Variants in UBN1 observed in about 807,000 individuals in gnomAD.
The protein encoded by UBN1 is ubinuclein-1.
Under a neutral mutation model 108.5 loss-of-function variants are expected in UBN1, and 17 were observed. The observed-to-expected ratio is 0.16, with a 90% CI of 0.11 to 0.24. UBN1 has a LOEUF of 0.24. Ranked by LOEUF, UBN1 falls within the 10% of genes least tolerant of loss-of-function variation. The pLI is 1.00. For missense variants in UBN1, 1,595 were observed against 1,394.4 expected, an observed-to-expected ratio of 1.14 and a Z score of -2.29; for synonymous variants, 726 against 564.2, an observed-to-expected ratio of 1.29 and a Z score of -4.07.
At chr16:4,854,131 T>G (rs1402161834) in intron 2 of UBN1, among the ~76,000 whole-genome samples, 2 of 152,016 alleles carry the variant, frequency 1.3e-5, no homozygotes, top group East Asian at 3.9e-4. Flanking sequence ...CCTCCCGGGT[T>G]CACGCCATTC....
At chr16:4,850,105 G>C (rs907547828) in intron 1 of UBN1, among the ~76,000 whole-genome samples, 1 of 152,038 alleles carries the variant, frequency 6.6e-6, no homozygotes, top group Non-Finnish European at 1.5e-5. Flanking sequence ...ATGATTGTAA[G>C]TCTAACGTAC....
chr16:4,860,179 G>A (rs1359018657), intron 6 of UBN1, among the ~76,000 whole-genome samples: 1 of 152,188 alleles, frequency 6.6e-6, no homozygotes, highest in African/African-American at 2.4e-5. Context: ...GGCAGCTATT[G>A]TTGTCACTGT....
intron 2 of UBN1, among the ~76,000 whole-genome samples, chr16:4,857,366 A>G (rs2086865353): frequency 6.6e-6 from 1 of 151,696 alleles, no homozygotes; most frequent in South Asian, 2.1e-4. Flanking sequence ...AAAAAAAAAA[A>G]AAATTTTTTT....
intron 14 of UBN1, 129 bp from the exon 15 acceptor site, chr16:4,874,082 C>T: frequency 1.7e-6 from 2 of 1,183,442 alleles, no homozygotes; most frequent in Non-Finnish European, 2.3e-6. Flanking sequence ...TCTGTCCCAC[C>T]ACTTGTCTTG....
chr16:4,852,018 C>T (rs1444271113), intron 1 of UBN1, among the ~76,000 whole-genome samples: 1 of 151,994 alleles, frequency 6.6e-6, no homozygotes, highest in Admixed American at 6.6e-5. Context: ...TCAACCATTC[C>T]CTGATTGATT....
At chr16:4,854,052 G>C (rs1340323466) in intron 2 of UBN1, among the ~76,000 whole-genome samples, 1 of 151,898 alleles carries the variant, frequency 6.6e-6, no homozygotes, top group African/African-American at 2.4e-5. Flanking sequence ...TTTTGTTTTT[G>C]AGGCAGAGTC....
chr16:4,861,098 C>A lies in UBN1; in HGVS notation c.1106C>A (p.Ala369Asp). The A allele has an allele frequency of 6.2e-7, 1 of 1,611,946 alleles. No individual in the cohort carries two copies. The highest frequency in any genetic ancestry group is 8.5e-7 in the Non-Finnish European group (1 of 1,179,226). Reference sequence around the variant, plus strand: ...CTGGAGAAGCGCGTTAAGGAGCTGGCTCAGGTATGGTGGCACAGTGCGGCT... The same window carrying A: ...CTGGAGAAGCGCGTTAAGGAGCTGGATCAGGTATGGTGGCACAGTGCGGCT... ...APLEKRVKEL[A>D]QAARAAEGES... Residue 369 changes from alanine (A) to aspartate (D), a missense_variant, in exon 7 of 18, where the codon GCT (alanine) becomes GAT (aspartate). Physicochemically the swap from Ala to Asp is moderately radical, Grantham distance 126 (BLOSUM62 -2). This residue lies in a region of UBN1 where 1,398 missense variants were observed against 1,194.7 expected (regional missense o/e 1.17). Transcript: ENST00000262376.
chr16:4,854,872 G>A (rs971872742), intron 2 of UBN1, among the ~76,000 whole-genome samples: 5 of 151,902 alleles, frequency 3.3e-5, no homozygotes, highest in African/African-American at 1.2e-4. Context: ...ACAGGCGCCC[G>A]CCACCACGTC....
Position 4,876,983 on chromosome 16 carries a change from T to C in UBN1, c.3137T>C (p.Ile1046Thr), listed in dbSNP as rs768202792. The C allele has an allele frequency of 6.2e-7, 1 of 1,614,232 alleles. No individual in the cohort carries two copies. Among genetic ancestry groups the C allele is most frequent in the South Asian group, 1.1e-5 (1 of 91,086 alleles). Reference protein sequence around the residue: ...GAMSSNSLGIITPVPIPVHVL... With the variant: ...GAMSSNSLGITTPVPIPVHVL... ...ATGAGCTCGAACTCCTTGGGAATTA[T>C]AACCCCTGTCCCTATTCCTGTCCAT... is the stretch of plus-strand genomic sequence containing the variant. Residue 1046 changes from isoleucine (I) to threonine (T), a missense_variant, in exon 16 of 18, where the codon ATA (isoleucine) becomes ACA (threonine). By Grantham distance (89) the Ile-to-Thr change is moderately conservative (BLOSUM62 -1). Coordinates refer to ENST00000262376, the MANE Select transcript of UBN1 (RefSeq NM_001079514.3).
rs375868951 is a variant in UBN1, at chr16:4,863,615, T to C, written c.1110+2513T>C. 7.7e-4 allele frequency among the ~76,000 whole-genome samples: 117 copies of C among 152,026 alleles called. 1 individual carries two copies. The South Asian group carries it at 0.01, about 14-fold the overall frequency. On this transcript the variant is annotated intron_variant, in intron 7 of 17. Coordinates refer to ENST00000262376, the MANE Select transcript of UBN1 (RefSeq NM_001079514.3). ...ACTTTATTTTTTATACCCCTAATTT[T>C]CCCCCCCTTTTCCCTCTATTATAAG...
intron 2 of UBN1, among the ~76,000 whole-genome samples, chr16:4,857,647 A>T (rs1427320682): frequency 1.3e-5 from 2 of 152,182 alleles, no homozygotes; most frequent in Non-Finnish European, 2.9e-5. Flanking sequence ...TAAATGCCTG[A>T]AGAAAATTTT....
intron 8 of UBN1, among the ~76,000 whole-genome samples, chr16:4,869,549 G>T (rs2087508212): frequency 6.6e-6 from 1 of 152,232 alleles, no homozygotes; most frequent in Non-Finnish European, 1.5e-5. Context: ...AACAGCTGAG[G>T]AGTTTGTGTG....
At chr16:4,851,444 T>A (rs1418128546) in intron 1 of UBN1, among the ~76,000 whole-genome samples, 1 of 151,828 alleles carries the variant, frequency 6.6e-6, no homozygotes, top group Non-Finnish European at 1.5e-5. Context: ...AGTGAGACCT[T>A]GTCTCAAAAA....
At position 4,871,029 on chromosome 16, in the gene UBN1, A is replaced by C. The variant is rs1283098212; in HGVS notation, c.1559+57A>C. 4 of 1,608,762 alleles carry C rather than the reference A, an allele frequency of 2.5e-6. No homozygotes were observed. In the East Asian group the frequency reaches 8.9e-5, roughly 36 times the overall value. ...AGGGTTGGTGGGGCAGTGTCTGAGC[A>C]CGTCCCCTATTGCTGACAAAGGTTA... is the stretch of plus-strand genomic sequence containing the variant. On this transcript the variant is annotated intron_variant, in intron 11 of 17. Transcript: ENST00000262376.
chr16:4,868,420 T>C (rs2087440703), intron 7 of UBN1, among the ~76,000 whole-genome samples: 1 of 152,202 alleles, frequency 6.6e-6, no homozygotes, highest in Admixed American at 6.5e-5. Context: ...TTTTTGTAGA[T>C]AAAAAGGCCT....
chr16:4,874,421 T>G lies in UBN1; in HGVS notation c.2011T>G (p.Ser671Ala), dbSNP rs980334565. 21 of 1,613,544 alleles carry G rather than the reference T, an allele frequency of 1.3e-5. No individual in the cohort carries two copies. Among genetic ancestry groups the G allele is most frequent in the Non-Finnish European group, 1.8e-5 (21 of 1,179,912 alleles). The part of the protein sequence containing the change: ...LDEDLIRNPA[S>A]SVEAVSKELA... ...TGAAGACTTGATCCGCAATCCAGCC[T>G]CCTCGGTGGAAGCCGTGTCCAAGGA... The change falls in exon 15 of 18, where the codon TCC (serine) becomes GCC (alanine). Residue 671 changes from serine (S) to alanine (A), a missense_variant. Coordinates refer to ENST00000262376, the MANE Select transcript of UBN1 (RefSeq NM_001079514.3).
Position 4,858,537 on chromosome 16 carries a change from A to G in UBN1, c.337-31A>G, listed in dbSNP as rs561468337. 4 of 1,601,006 alleles carry G rather than the reference A, an allele frequency of 2.5e-6. No homozygotes were observed. The East Asian group carries it at 8.9e-5, about 36-fold the overall frequency. On this transcript the variant is annotated intron_variant, in intron 3 of 17. Coordinates refer to ENST00000262376, the MANE Select transcript of UBN1 (RefSeq NM_001079514.3). ...AGTTAATTCTGTGTGTTTATTCAAAAAGCATGTAATCTATTGCTTTCACAT... is the reference window on the plus strand; with the variant it reads ...AGTTAATTCTGTGTGTTTATTCAAAGAGCATGTAATCTATTGCTTTCACAT...
At position 4,880,059 on chromosome 16, in the gene UBN1, C is replaced by T. The variant is rs1485029775; in HGVS notation, c.3356-24C>T. ...TCAGAGAGCATGAAAAACTTGCGTT[C>T]TAATTTTTCTTACTCTTTTCCAGGT... is the stretch of plus-strand genomic sequence containing the variant. On this transcript the variant is annotated intron_variant, in intron 17 of 17. Coordinates refer to ENST00000262376, the MANE Select transcript of UBN1 (RefSeq NM_001079514.3). 1.2e-6 allele frequency: 2 copies of T among 1,613,746 alleles called. 1 individual carries two copies. Among genetic ancestry groups the T allele is most frequent in the Non-Finnish European group, 1.7e-6 (2 of 1,179,864 alleles).
Position 4,848,129 on chromosome 16 carries a change from C to T in UBN1, c.-121C>T, listed in dbSNP as rs2086293585. On this transcript the variant is annotated 5_prime_UTR_variant, in exon 1 of 18. Transcript: ENST00000262376. The stretch of plus-strand genomic sequence containing the variant: ...GGAGCCACGGCTTAGCAGCCGACCG[C>T]TAGCTGCGCCGCCGCCCGGGGACCG... 1.3e-5 allele frequency: 2 copies of T among 152,150 alleles called. No individual in the cohort carries two copies. Among genetic ancestry groups the T allele is most frequent in the African/African-American group, 4.8e-5 (2 of 41,440 alleles). The allele number at this position is 152,150 out of a possible 1,614,324, so 9.4% of individuals were successfully genotyped here. A position where few individuals can be genotyped will look rare whatever the true frequency, so the allele number is the denominator to read the frequency against.
Sources: gnomAD v4.1 joint callset for allele counts (sites outside exome capture counted in the v4.1 genomes callset) on GRCh38, gnomAD v4.1.1 for gene constraint, gnomAD v4.1.1 regional missense constraint, MANE v1.5 for transcripts, NCBI Gene and HGNC (gene_info 2026-07-23, HGNC 2026-07-21) for gene names.